The following FUBP1 variants were observed in gnomAD, a reference collection of about 807,000 sequenced individuals.
FUBP1 encodes far upstream element-binding protein 1.
A neutral mutation model predicts 94.9 loss-of-function variants in FUBP1; 16 were observed. That is an observed-to-expected ratio of 0.17 (90% CI 0.11 to 0.26). The LOEUF is 0.26. FUBP1 is among the 10% of genes least tolerant of loss of function. The pLI, the probability that FUBP1 is intolerant of heterozygous loss-of-function variation, is 1.00. For synonymous variants in FUBP1, 279 were observed against 254.9 expected (o/e 1.09, Z -0.90); for missense variants, 583 against 808.6 (o/e 0.72, Z 3.38).
chr1:77,972,042 G>C (rs932557391), intron 1 of FUBP1, among the ~76,000 whole-genome samples: 2 of 150,992 alleles, frequency 1.3e-5, no homozygotes, highest in Non-Finnish European at 2.9e-5. Flanking sequence ...TCTCGCTTTG[G>C]TCAATCTAAC....
At chr1:77,963,221 A>C (rs954343051) in intron 13 of FUBP1, among the ~76,000 whole-genome samples, 3 of 152,220 alleles carry the variant, frequency 2.0e-5, no homozygotes, top group Admixed American at 2.0e-4. Context: ...AGCAGTGTAA[A>C]TATAAACTAA....
intron 1 of FUBP1, among the ~76,000 whole-genome samples, chr1:77,973,571 AAAT>A (rs1382350747): frequency 6.6e-6 from 1 of 152,220 alleles, no homozygotes; most frequent in African/African-American, 2.4e-5. Flanking sequence ...AGTTTTACAA[AAAT>A]AATTCAAGCT....
At chr1:77,963,029 G>T in intron 13 of FUBP1, 99 bp from the exon 14 acceptor site, 3 of 706,438 alleles carry the variant, frequency 4.2e-6, no homozygotes, top group South Asian at 4.4e-5. Context: ...TTAAAAATAT[G>T]GTTTGGTCAG....
At chr1:77,953,612 A>G (rs1000137024) in intron 18 of FUBP1, among the ~76,000 whole-genome samples, 1 of 152,204 alleles carries the variant, frequency 6.6e-6, no homozygotes, top group African/African-American at 2.4e-5. Context: ...ATTATTATTT[A>G]ATTATTTCTA....
At chr1:77,958,063 G>A (rs765393408) in intron 16 of FUBP1, among the ~76,000 whole-genome samples, 15 of 152,150 alleles carry the variant, frequency 9.9e-5, no homozygotes, top group South Asian at 2.1e-4. Flanking sequence ...AAGTGCTAGC[G>A]TCACAGGTTT....
rs114128102 is a variant in FUBP1 at position 77,950,959 on chromosome 1, T to G, written c.1781-1659A>C. Among the ~76,000 whole-genome samples, 948 of 152,282 alleles carry G rather than the reference T, an allele frequency of 6.2e-3. 9 individuals carry two copies. The highest frequency in any genetic ancestry group is 0.021 in the African/African-American group (892 of 41,560). On this transcript the variant is annotated intron_variant, in intron 18 of 19. Coordinates refer to ENST00000370768, the MANE Select transcript of FUBP1 (RefSeq NM_003902.5). The stretch of plus-strand genomic sequence containing the variant: ...AGAACTCTCATATACTATTAAAAAT[T>G]CTCATATTTTCCTGTCTTCTATAAA...
At chr1:77,977,711 T>C (rs1021744804) in intron 1 of FUBP1, among the ~76,000 whole-genome samples, 4 of 152,254 alleles carry the variant, frequency 2.6e-5, no homozygotes, top group Non-Finnish European at 4.4e-5. Context: ...TTGCTAAACA[T>C]GTTCAGAATT....
rs761152064 is a variant in FUBP1 at position 77,964,976 on chromosome 1, A to C, written c.637-8T>G. On this transcript the variant is annotated splice_polypyrimidine_tract_variant and splice_region_variant and intron_variant, in intron 8 of 19. Transcript: ENST00000370768. ...TTTAACTCCAGCCCGTTCCTGTTAC[A>C]ATCATAGAAATAATATATATTAACA... The C allele has an allele frequency of 3.7e-6, 6 of 1,604,750 alleles. No homozygotes were observed. Among genetic ancestry groups the C allele is most frequent in the East Asian group, 4.5e-5 (2 of 44,836 alleles).
intron 1 of FUBP1, among the ~76,000 whole-genome samples, chr1:77,973,144 C>G (rs1030919206): frequency 1.3e-5 from 2 of 152,076 alleles, no homozygotes; most frequent in African/African-American, 4.8e-5. Context: ...TTCCTAAAAA[C>G]CAACCTCCAA....
intron 14 of FUBP1, 32 bp from the exon 15 acceptor site, chr1:77,960,527 G>A (rs1655258121): frequency 1.3e-6 from 2 of 1,551,924 alleles, no homozygotes; most frequent in African/African-American, 2.7e-5. Context: ...AGAAAAATCA[G>A]AAAAACACAG....
At chr1:77,952,929 G>C (rs1196267220) in intron 18 of FUBP1, among the ~76,000 whole-genome samples, 2 of 151,930 alleles carry the variant, frequency 1.3e-5, no homozygotes, top group Non-Finnish European at 2.9e-5. Flanking sequence ...CCTGAGGTCA[G>C]GAGTTCGAGA....
chr1:77,954,775 AGGTTCCAAAT>A (rs913249738), intron 18 of FUBP1, among the ~76,000 whole-genome samples: 2 of 152,220 alleles, frequency 1.3e-5, no homozygotes, highest in Non-Finnish European at 2.9e-5. Flanking sequence ...GTATAGTATC[AGGTTCCAAAT>A]GGTTCCTAAA....
At chr1:77,978,812 A>T in intron 1 of FUBP1, 73 bp downstream of exon 1, 1 of 1,579,084 alleles carries the variant, frequency 6.3e-7, no homozygotes, top group Admixed American at 1.7e-5. Flanking sequence ...CATGCGCTTA[A>T]GGGTAGCGGC....
intron 18 of FUBP1, among the ~76,000 whole-genome samples, chr1:77,952,621 T>C (rs1332329563): frequency 6.6e-6 from 1 of 152,208 alleles, no homozygotes; most frequent in African/African-American, 2.4e-5. Context: ...TCTCCTTCCA[T>C]TTAAGAAATG....
At chr1:77,951,449 T>C (rs2102258120) in intron 18 of FUBP1, among the ~76,000 whole-genome samples, 1 of 152,308 alleles carries the variant, frequency 6.6e-6, no homozygotes, top group Middle Eastern at 3.4e-3. Flanking sequence ...GCAAATGTGA[T>C]TTATTTTGCC....
At chr1:77,949,052 G>T in intron 19 of FUBP1, 103 bp downstream of exon 19, 3 of 1,119,122 alleles carry the variant, frequency 2.7e-6, no homozygotes, top group Middle Eastern at 3.0e-4. Flanking sequence ...ATTATACTTT[G>T]CCAGATAAAA....
chr1:77,950,407 G>C (rs1051660491), intron 18 of FUBP1, among the ~76,000 whole-genome samples: 3 of 152,124 alleles, frequency 2.0e-5, no homozygotes, highest in African/African-American at 7.2e-5. Context: ...TGATCCACCT[G>C]CCTTGGCCTC....
At chr1:77,975,964 G>A (rs1281547884) in intron 1 of FUBP1, among the ~76,000 whole-genome samples, 1 of 152,116 alleles carries the variant, frequency 6.6e-6, no homozygotes, top group African/African-American at 2.4e-5. Context: ...GTACGGACCA[G>A]GAATCATAAT....
At position 77,966,728 on chromosome 1, in the gene FUBP1, A is replaced by C; in HGVS notation, c.439T>G (p.Ser147Ala). The change falls in exon 7 of 20, where the codon TCC becomes GCC. Residue 147 changes from serine to alanine, a missense_variant. Ser to Ala is a moderately conservative substitution (Grantham distance 99). Coordinates refer to ENST00000370768, the MANE Select transcript of FUBP1 (RefSeq NM_003902.5). ...APDSGGLPER[S>A]CMLTGTPESV... Reference sequence around the variant, plus strand: ...TCAGGTGTTCCAGTTAACATACAGGACCTTTCTGGAAGGCCACCACTGTCT... The same window carrying C: ...TCAGGTGTTCCAGTTAACATACAGGCCCTTTCTGGAAGGCCACCACTGTCT... 1.3e-6 allele frequency: 2 copies of C among 1,579,486 alleles called. No individual in the cohort carries two copies. Among genetic ancestry groups the C allele is most frequent in the Non-Finnish European group, 1.7e-6 (2 of 1,148,688 alleles).
Sources: gnomAD v4.1 joint callset for allele counts (sites outside exome capture counted in the v4.1 genomes callset) on GRCh38, gnomAD v4.1.1 for gene constraint, MANE v1.5 for transcripts, NCBI Gene and HGNC (gene_info 2026-07-23, HGNC 2026-07-21) for gene names.